TSNARE1: variants seen among roughly 807,000 people sequenced by gnomAD.
TSNARE1 encodes the protein t-SNARE domain containing 1, also known as t-SNARE domain-containing protein 1.
Under a neutral mutation model 62.0 loss-of-function variants are expected in TSNARE1, and 49 were observed. The ratio of observed to expected loss-of-function variants is 0.79; its 90% CI spans 0.63 to 1.00. The LOEUF is 1.00. Ranked by LOEUF, TSNARE1 falls within the 50% of genes least tolerant of loss-of-function variation. The pLI is 0.00. For synonymous variants in TSNARE1, 328 were observed against 294.4 expected (o/e 1.11, Z -1.17); for missense variants, 755 against 700.1 (o/e 1.08, Z -0.88).
chr8:142,230,867 T>C (rs1563763719), intron 12 of TSNARE1, among the ~76,000 whole-genome samples: 1 of 151,252 alleles, frequency 6.6e-6, no homozygotes, highest in Non-Finnish European at 1.5e-5. Context: ...AATTCATCTA[T>C]CCATCCATCC....
intron 12 of TSNARE1, among the ~76,000 whole-genome samples, chr8:142,250,083 C>T (rs1385951050): frequency 6.6e-6 from 1 of 152,154 alleles, no homozygotes; most frequent in African/African-American, 2.4e-5. Context: ...CAGAGTGCGC[C>T]GCATGAGACC....
intron 1 of TSNARE1, among the ~76,000 whole-genome samples, chr8:142,377,334 C>A (rs1011434883): frequency 6.6e-6 from 1 of 151,712 alleles, no homozygotes; most frequent in Non-Finnish European, 1.5e-5. Flanking sequence ...CACACGAACA[C>A]AGACTTGGCA....
intron 1 of TSNARE1, among the ~76,000 whole-genome samples, chr8:142,376,946 G>C (rs989949317): frequency 6.6e-6 from 1 of 152,222 alleles, no homozygotes; most frequent in Non-Finnish European, 1.5e-5. Flanking sequence ...CAGGAAGAGA[G>C]GGAAGCACTC....
At chr8:142,225,514 G>A (rs1005703467) in intron 13 of TSNARE1, among the ~76,000 whole-genome samples, 4 of 151,998 alleles carry the variant, frequency 2.6e-5, no homozygotes, top group South Asian at 4.2e-4. Flanking sequence ...CTGGGAGGTC[G>A]GGCACTCCTG....
chr8:142,368,687 C>CA (rs1795687774), intron 1 of TSNARE1, among the ~76,000 whole-genome samples: 1 of 152,192 alleles, frequency 6.6e-6, no homozygotes, highest in Admixed American at 6.5e-5. Flanking sequence ...TAGCACAGGA[C>CA]AAGCCAGGAC....
chr8:142,235,600 A>T (rs1414923306), intron 12 of TSNARE1, among the ~76,000 whole-genome samples: 1 of 152,088 alleles, frequency 6.6e-6, no homozygotes, highest in African/African-American at 2.4e-5. Flanking sequence ...TTGTTTCTTA[A>T]ATGTTCACAT....
intron 13 of TSNARE1, among the ~76,000 whole-genome samples, chr8:142,229,071 T>A (rs796483525): frequency 8.7e-5 from 12 of 138,014 alleles, no homozygotes; most frequent in African/African-American, 3.1e-4. Flanking sequence ...AAATGGTGGG[T>A]GGGTGGATGG....
intron 1 of TSNARE1, among the ~76,000 whole-genome samples, chr8:142,394,710 T>C (rs760201738): frequency 3.3e-4 from 50 of 152,162 alleles, no homozygotes; most frequent in Non-Finnish European, 6.6e-4. Flanking sequence ...CCCACCTCCC[T>C]GCTCCAACCA....
intron 12 of TSNARE1, among the ~76,000 whole-genome samples, chr8:142,258,383 G>A (rs972701580): frequency 6.6e-6 from 1 of 152,178 alleles, no homozygotes; most frequent in Non-Finnish European, 1.5e-5. Context: ...GTGGAACTCA[G>A]GGAGTGCTTA....
chr8:142,246,720 C>G (rs13248277), intron 12 of TSNARE1, among the ~76,000 whole-genome samples: 1,828 of 152,234 alleles, frequency 0.012, 24 homozygotes, highest in South Asian at 0.055. Context: ...AAGTGAGATG[C>G]GCAGACACGG....
chr8:142,215,682 G>A (rs1404369078), intron 13 of TSNARE1, among the ~76,000 whole-genome samples: 1 of 152,132 alleles, frequency 6.6e-6, no homozygotes, highest in Non-Finnish European at 1.5e-5. Context: ...GGCAGGCCAA[G>A]GGGGCAGCAG....
At chr8:142,331,568 G>A (rs764153405) in intron 5 of TSNARE1, among the ~76,000 whole-genome samples, 186 bp downstream of exon 5, 1 of 152,214 alleles carries the variant, frequency 6.6e-6, no homozygotes, top group Non-Finnish European at 1.5e-5. Flanking sequence ...ACTGCAGGAC[G>A]GCCTGACGGG....
chr8:142,386,566 T>G (rs1018414628), intron 1 of TSNARE1, among the ~76,000 whole-genome samples: 2 of 152,094 alleles, frequency 1.3e-5, no homozygotes, highest in African/African-American at 4.8e-5. Flanking sequence ...GATTCCCCAA[T>G]TGAATTACAA....
intron 11 of TSNARE1, among the ~76,000 whole-genome samples, chr8:142,281,529 G>A (rs1821450197): frequency 6.6e-6 from 1 of 152,012 alleles, no homozygotes; most frequent in South Asian, 2.1e-4. Flanking sequence ...ACTACAGTGG[G>A]AAGAGGACAT....
At chr8:142,261,135 G>A in intron 12 of TSNARE1, among the ~76,000 whole-genome samples, 1 of 111,938 alleles carries the variant, frequency 8.9e-6, no homozygotes, top group African/African-American at 3.6e-5. Flanking sequence ...GAGGAGGGAG[G>A]GAAGGAGGAA....
chr8:142,256,346 T>C (rs373265394), intron 12 of TSNARE1, among the ~76,000 whole-genome samples: 168 of 1,392 alleles, frequency 0.12, 1 homozygote, highest in Admixed American at 0.17. Context: ...ACCATCATCA[T>C]CACCATCATT....
intron 12 of TSNARE1, chr8:142,274,129 A>G (rs1820032827): frequency 1.0e-6 from 1 of 985,276 alleles, no homozygotes; most frequent in Non-Finnish European, 1.2e-6. Flanking sequence ...CTTGAGGAAC[A>G]GGCTCTGGTC....
intron 1 of TSNARE1, chr8:142,402,877 C>A (rs2131546134): frequency 6.6e-6 from 1 of 152,254 alleles, no homozygotes; most frequent in Admixed American, 6.5e-5. Flanking sequence ...CGCGGGGCTG[C>A]GGCTCAGGGT....
upstream of TSNARE1, chr8:142,406,516 C>T (rs1223207517): frequency 6.6e-6 from 1 of 152,276 alleles, no homozygotes; most frequent in East Asian, 1.9e-4. Context: ...GAGCCACACT[C>T]TCAGGTGCCT....
Sources: gnomAD v4.1 joint callset for allele counts (sites outside exome capture counted in the v4.1 genomes callset) on GRCh38, gnomAD v4.1.1 for gene constraint, MANE v1.5 for transcripts, NCBI Gene and HGNC (gene_info 2026-07-23, HGNC 2026-07-21) for gene names.